GAS7: variants seen among roughly 807,000 people sequenced by gnomAD.
GAS7 encodes growth arrest specific 7.
A neutral mutation model predicts 71.1 loss-of-function variants in GAS7; 28 were observed. The observed-to-expected ratio is 0.39, with a 90% confidence interval of 0.29 to 0.54. The LOEUF is 0.54. Ranked by LOEUF, GAS7 falls within the 20% of genes least tolerant of loss-of-function variation. The pLI, the probability that GAS7 is intolerant of heterozygous loss-of-function variation, is 0.62. For missense variants in GAS7, 436 were observed against 627.8 expected (o/e 0.69, Z 3.27); for synonymous variants, 258 against 245.8 (o/e 1.05, Z -0.46).
Position 9,959,278 on chromosome 17 carries a change from T to C in GAS7, c.472-23A>G, listed in dbSNP as rs2069380829. 1.9e-6 allele frequency: 3 copies of C among 1,614,006 alleles called. No individual in the cohort carries two copies. Among genetic ancestry groups the C allele is most frequent in the South Asian group, 1.1e-5 (1 of 91,072 alleles). On this transcript the variant is annotated intron_variant, in intron 4 of 13. Coordinates refer to ENST00000432992, the MANE Select transcript of GAS7 (RefSeq NM_201433.2). This position sits in a 1 kb window ranked among gnomAD's most constrained non-coding sequence, Gnocchi z 5.0. ...GTTCTGGGGAGAGAGGCAAGAAACATCGTCAAAGCTGTTCTCCATATTGGA... is the reference window on the plus strand; with the variant it reads ...GTTCTGGGGAGAGAGGCAAGAAACACCGTCAAAGCTGTTCTCCATATTGGA...
Position 10,026,157 on chromosome 17 carries a change from T to C in GAS7, c.184-6260A>G, listed in dbSNP as rs530975822. The C allele has an allele frequency of 1.0e-6, 1 of 985,192 alleles. No individual in the cohort carries two copies. Among genetic ancestry groups the C allele is most frequent in the Non-Finnish European group, 1.2e-6 (1 of 829,840 alleles). The allele number at this position is 985,192 out of a possible 1,614,324, so 61.0% of individuals were successfully genotyped here. A position where few individuals can be genotyped will look rare whatever the true frequency, so the allele number is the denominator to read the frequency against. On this transcript the variant is annotated intron_variant, in intron 1 of 13. Transcript: ENST00000432992. This position sits in a 1 kb window ranked among gnomAD's most constrained non-coding sequence, Gnocchi z 4.5. ...AGAACACCTGACTCTTACCTTATCCTAAAGCCGTGAGCAAACGCTACTCGC... is the reference window on the plus strand; with the variant it reads ...AGAACACCTGACTCTTACCTTATCCCAAAGCCGTGAGCAAACGCTACTCGC...
chr17:9,940,001 A>G (rs755952644), intron 8 of GAS7, 125 bp downstream of exon 8: 2 of 743,060 alleles, frequency 2.7e-6, no homozygotes, highest in African/African-American at 1.7e-5. Context: ...GCCCACCTTG[A>G]GCCAGGCCTA....
chr17:10,093,852 C>A (rs1378042682), intron 1 of GAS7, among the ~76,000 whole-genome samples: 1 of 152,080 alleles, frequency 6.6e-6, no homozygotes, highest in Non-Finnish European at 1.5e-5. Context: ...TATTTCAATA[C>A]GTGTTATTGA....
At chr17:10,009,315 C>G (rs1013343057) in intron 2 of GAS7, among the ~76,000 whole-genome samples, 4 of 73,794 alleles carry the variant, frequency 5.4e-5, no homozygotes, top group Non-Finnish European at 1.0e-4. Flanking sequence ...AGCGAGACTC[C>G]GTCAAAAAAA....
rs1164151104 is a variant in GAS7 at position 10,167,044 on chromosome 17, CTTTTT to C, written c.183+31159_183+31163del. 7.5e-3 allele frequency among the ~76,000 whole-genome samples: 441 copies of C among 58,746 alleles called. 1 individual carries two copies. The highest frequency in any genetic ancestry group is 0.028 in the South Asian group (42 of 1,480). 38.5% of individuals were successfully genotyped at this position (58,746 alleles called of 152,430 possible). The stretch of plus-strand genomic sequence containing the variant: ...AAACCAATCTACTATTTCCATTTGT[CTTTTT>C]TTTTTTTTTTTTTTTTTTTTTTTTT... On this transcript the variant is annotated intron_variant, in intron 1 of 13. Transcript: ENST00000432992.
At chr17:9,925,392 C>T (rs2067962189) in intron 11 of GAS7, 84 bp downstream of exon 11, 8 of 1,407,034 alleles carry the variant, frequency 5.7e-6, no homozygotes, top group Non-Finnish European at 8.0e-6. Context: ...GAGAGATGCA[C>T]CCTCGCCAGT....
At chr17:10,196,260 A>G (rs1315969113) in intron 1 of GAS7, among the ~76,000 whole-genome samples, 2 of 152,192 alleles carry the variant, frequency 1.3e-5, no homozygotes, top group African/African-American at 2.4e-5. Context: ...CAAAACACGC[A>G]AGCATTACTA....
At chr17:10,007,760 C>T (rs1360962694) in intron 2 of GAS7, among the ~76,000 whole-genome samples, 1 of 151,784 alleles carries the variant, frequency 6.6e-6, no homozygotes, top group East Asian at 1.9e-4. Flanking sequence ...ATTATATTCT[C>T]CCTCTAAAAG....
intron 3 of GAS7, among the ~76,000 whole-genome samples, chr17:9,980,840 G>T (rs1016013639): frequency 6.6e-6 from 1 of 152,158 alleles, no homozygotes; most frequent in Non-Finnish European, 1.5e-5. Flanking sequence ...AAAATTGAGT[G>T]GTCAGGGAAG....
rs2074554496 is a variant in GAS7, at chr17:10,198,139, G to A, written c.183+69C>T. On this transcript the variant is annotated intron_variant, in intron 1 of 13. Coordinates refer to ENST00000432992, the MANE Select transcript of GAS7 (RefSeq NM_201433.2). ...GGGACGCTGCGGCATCCCCGGAACG[G>A]GCAACAGGTACGCGAGCGCACCGAG... 3.2e-5 allele frequency: 47 copies of A among 1,476,178 alleles called. 2 individuals carry two copies. In the South Asian group the frequency reaches 5.1e-4, roughly 16 times the overall value. The allele number at this position is 1,476,178 out of a possible 1,614,324, so 91.4% of individuals were successfully genotyped here. A position where few individuals can be genotyped will look rare whatever the true frequency, so the allele number is the denominator to read the frequency against.
chr17:10,059,502 T>G (rs556338303), intron 1 of GAS7, among the ~76,000 whole-genome samples: 4 of 152,150 alleles, frequency 2.6e-5, no homozygotes, highest in African/African-American at 9.7e-5. Flanking sequence ...TGAGGAGGAC[T>G]GATACACGGG....
At chr17:9,948,980 C>T (rs2068897206) in intron 5 of GAS7, among the ~76,000 whole-genome samples, 2 of 152,192 alleles carry the variant, frequency 1.3e-5, no homozygotes, top group Non-Finnish European at 1.5e-5. Flanking sequence ...ATGATGCAGC[C>T]CTGAGGTTTT....
chr17:10,179,937 A>G (rs2074401347), intron 1 of GAS7, among the ~76,000 whole-genome samples: 1 of 152,188 alleles, frequency 6.6e-6, no homozygotes, highest in Non-Finnish European at 1.5e-5. Context: ...ACCATCAGCA[A>G]ATACTGAGAA....
Position 9,952,229 on chromosome 17 carries a change from C to T in GAS7, c.526-5246G>A, listed in dbSNP as rs555477953. On this transcript the variant is annotated intron_variant, in intron 5 of 13. Coordinates refer to ENST00000432992, the MANE Select transcript of GAS7 (RefSeq NM_201433.2). ...CAAGTGATGCTGAAGGTCCAGGGAC[C>T]ACACTTTGAGAACCAGCATTCGTGA... is the stretch of plus-strand genomic sequence containing the variant. Among the ~76,000 whole-genome samples, 26 of 152,198 alleles carry T rather than the reference C, an allele frequency of 1.7e-4. No individual in the cohort carries two copies. In the South Asian group the frequency reaches 5.4e-3, roughly 32 times the overall value.
At chr17:10,191,595 G>C (rs1002589863) in intron 1 of GAS7, among the ~76,000 whole-genome samples, 9 of 147,280 alleles carry the variant, frequency 6.1e-5, no homozygotes, top group African/African-American at 2.3e-4. Flanking sequence ...GAGGAGAGAG[G>C]GCTGGGCACG....
chr17:9,943,453 A>T (rs1468286160), intron 6 of GAS7, among the ~76,000 whole-genome samples: 1 of 152,150 alleles, frequency 6.6e-6, no homozygotes, highest in Non-Finnish European at 1.5e-5. Flanking sequence ...CAGTTGCTGC[A>T]TCCCCACATC....
In GAS7 at chr17:10,184,122, G is replaced by A. The variant is rs948458851; in HGVS notation, c.183+14086C>T. ...CTCAAGATGTAGAGACCATGTCCCC[G>A]TTGCATATGTTTTTCCTGACACTGT... On this transcript the variant is annotated intron_variant, in intron 1 of 13. Coordinates refer to ENST00000432992, the MANE Select transcript of GAS7 (RefSeq NM_201433.2). Among the ~76,000 whole-genome samples, 6 of 152,148 alleles carry A rather than the reference G, an allele frequency of 3.9e-5. No homozygotes were observed. In the East Asian group the frequency reaches 5.8e-4, roughly 15 times the overall value.
chr17:9,965,715 C>T (rs2069678590), intron 4 of GAS7, among the ~76,000 whole-genome samples: 2 of 152,216 alleles, frequency 1.3e-5, no homozygotes, highest in African/African-American at 2.4e-5. Context: ...TTTGATCCCT[C>T]GCCTCTGCCC....
rs1218527537 is a variant in GAS7, at chr17:10,034,449, C to T, written c.184-14552G>A. Among the ~76,000 whole-genome samples, 4 of 151,866 alleles carry T rather than the reference C, an allele frequency of 2.6e-5. No homozygotes were observed. Among genetic ancestry groups the T allele is most frequent in the African/African-American group, 9.7e-5 (4 of 41,330 alleles). On this transcript the variant is annotated intron_variant, in intron 1 of 13. Coordinates refer to ENST00000432992, the MANE Select transcript of GAS7 (RefSeq NM_201433.2). This position sits in a 1 kb window ranked among gnomAD's most constrained non-coding sequence, Gnocchi z 4.4. ...TCAGCCTCCCAATTAGCTGGGATTA[C>T]AGGCACCTATCACCACGCCTGGCTA... is the stretch of plus-strand genomic sequence containing the variant.
Sources: allele counts gnomAD v4.1 joint callset (sites outside exome capture counted in the v4.1 genomes callset), GRCh38; gene constraint gnomAD v4.1.1; non-coding constraint Gnocchi (gnomAD v3.1); transcripts MANE v1.5; gene names NCBI Gene and HGNC (gene_info 2026-07-23, HGNC 2026-07-21).